Variants in NETO2 observed in about 807,000 individuals in gnomAD.
NETO2 encodes neuropilin and tolloid like 2.
A neutral mutation model predicts 62.5 loss-of-function variants in NETO2; 28 were observed. The ratio of observed to expected loss-of-function variants is 0.45; its 90% CI spans 0.33 to 0.61. The LOEUF (loss-of-function observed/expected upper bound fraction) is 0.61. Ranked by LOEUF, NETO2 falls within the 20% of genes least tolerant of loss-of-function variation. NETO2 has a pLI of 0.02. For synonymous variants in NETO2, 214 were observed against 219.1 expected (o/e 0.98, Z 0.21); for missense variants, 548 against 643.2 (o/e 0.85, Z 1.60).
intron 4 of NETO2, 33 bp downstream of exon 4, chr16:47,128,292 G>A (rs768089155): frequency 1.3e-6 from 2 of 1,596,570 alleles, no homozygotes; most frequent in South Asian, 2.3e-5. Context: ...AGAGTGAGAT[G>A]CCCAACCACT....
intron 2 of NETO2, among the ~76,000 whole-genome samples, chr16:47,130,527 A>AACC (rs1567399134): frequency 1.3e-5 from 2 of 151,854 alleles, no homozygotes; most frequent in South Asian, 2.1e-4. Context: ...AATATTTAAA[A>AACC]ACCACCACCA....
intron 6 of NETO2, among the ~76,000 whole-genome samples, chr16:47,113,574 C>A (rs188791908): frequency 4.3e-4 from 64 of 150,042 alleles, no homozygotes; most frequent in Middle Eastern, 7.1e-3. Context: ...ATGGATGTAC[C>A]ACAGTTTATT....
chr16:47,088,560 AT>A (rs1271551810), intron 7 of NETO2, among the ~76,000 whole-genome samples: 1 of 152,186 alleles, frequency 6.6e-6, no homozygotes, highest in Admixed American at 6.5e-5. Context: ...TATCTCAAAT[AT>A]TTTTTATACT....
chr16:47,100,841 C>A (rs1963526076), intron 7 of NETO2, among the ~76,000 whole-genome samples: 2 of 152,114 alleles, frequency 1.3e-5, no homozygotes, highest in Non-Finnish European at 2.9e-5. Flanking sequence ...AGCCCAGGAC[C>A]AGATGGATTC....
At chr16:47,117,225 G>GA (rs1963941273) in intron 6 of NETO2, among the ~76,000 whole-genome samples, 1 of 152,110 alleles carries the variant, frequency 6.6e-6, no homozygotes, top group African/African-American at 2.4e-5. Flanking sequence ...TTTCTAAAGA[G>GA]AAAAAATAGT....
chr16:47,119,559 G>GTT (rs557768457), intron 6 of NETO2, among the ~76,000 whole-genome samples: 1 of 144,558 alleles, frequency 6.9e-6, no homozygotes, highest in African/African-American at 2.5e-5. Context: ...TTGTATCTTC[G>GTT]TTTTTTTTTT....
intron 8 of NETO2, among the ~76,000 whole-genome samples, chr16:47,084,246 T>C (rs745781091): frequency 6.6e-6 from 1 of 152,238 alleles, no homozygotes; most frequent in Non-Finnish European, 1.5e-5. Context: ...TATATTATCA[T>C]GACCTACTGT....
chr16:47,130,159 CAT>C (rs1423831802), intron 2 of NETO2, among the ~76,000 whole-genome samples: 1 of 152,222 alleles, frequency 6.6e-6, no homozygotes, highest in Non-Finnish European at 1.5e-5. Context: ...AATGTTAGCA[CAT>C]GTCCCAGCCT....
At chr16:47,120,400 A>G (rs983940572) in intron 6 of NETO2, among the ~76,000 whole-genome samples, 4 of 152,190 alleles carry the variant, frequency 2.6e-5, no homozygotes, top group African/African-American at 7.2e-5. Flanking sequence ...TATAATAGCT[A>G]TATGTATTTA....
intron 1 of NETO2, 105 bp downstream of exon 1, chr16:47,143,474 C>A (rs1964507848): frequency 1.7e-6 from 2 of 1,169,642 alleles, no homozygotes; most frequent in Admixed American, 4.5e-5. Flanking sequence ...CAAAGAGGCG[C>A]GTCGGGTCCC....
chr16:47,095,857 A>T (rs1170744942), intron 7 of NETO2, among the ~76,000 whole-genome samples: 1 of 152,158 alleles, frequency 6.6e-6, no homozygotes, highest in African/African-American at 2.4e-5. Context: ...GAAAAATGTA[A>T]TTTTTCTCAA....
intron 7 of NETO2, among the ~76,000 whole-genome samples, chr16:47,095,590 G>C (rs1963411510): frequency 6.6e-6 from 1 of 152,116 alleles, no homozygotes; most frequent in Non-Finnish European, 1.5e-5. Flanking sequence ...TGATAAAAGG[G>C]TCAATTCACC....
At chr16:47,135,626 T>TA (rs760327888) in intron 1 of NETO2, among the ~76,000 whole-genome samples, 2 of 152,138 alleles carry the variant, frequency 1.3e-5, no homozygotes, top group Non-Finnish European at 2.9e-5. Context: ...TTCAGGCTGT[T>TA]AAACAATCCT....
At chr16:47,131,043 T>C (rs1230233313) in intron 2 of NETO2, among the ~76,000 whole-genome samples, 1 of 129,630 alleles carries the variant, frequency 7.7e-6, no homozygotes, top group Non-Finnish European at 1.7e-5. Flanking sequence ...AGAGAGAAAA[T>C]GGAGGAAAGG....
chr16:47,143,216 G>A (rs1964500435), intron 1 of NETO2, among the ~76,000 whole-genome samples: 2 of 152,100 alleles, frequency 1.3e-5, no homozygotes, highest in Non-Finnish European at 2.9e-5. Context: ...CTCCACGACA[G>A]GAATCTCACA....
chr16:47,087,438 A>C (rs540215258), intron 7 of NETO2, among the ~76,000 whole-genome samples: 20 of 152,332 alleles, frequency 1.3e-4, no homozygotes, highest in Non-Finnish European at 1.9e-4. Flanking sequence ...ACCAGGGTCC[A>C]AAAAGAGGAA....
chr16:47,120,710 C>T (rs750662629), intron 6 of NETO2, among the ~76,000 whole-genome samples: 1 of 152,190 alleles, frequency 6.6e-6, no homozygotes, highest in Admixed American at 6.5e-5. Context: ...CTATTGTCTT[C>T]AGGCTTCTAT....
intron 6 of NETO2, among the ~76,000 whole-genome samples, chr16:47,110,959 G>T (rs778628764): frequency 5.3e-5 from 8 of 152,210 alleles, no homozygotes; most frequent in Non-Finnish European, 1.2e-4. Flanking sequence ...AATTGGTAAT[G>T]AAATAGGATT....
rs1256878465 is a variant in NETO2 at position 47,142,530 on chromosome 16, T to C, written c.34+1049A>G. ...AATATTAAGATACAGTGCTGAGTTA[T>C]ACATAACACCGTTAATAATGCCTCA... On this transcript the variant is annotated intron_variant, in intron 1 of 8. Coordinates refer to ENST00000562435, the MANE Select transcript of NETO2 (RefSeq NM_018092.5). Among the ~76,000 whole-genome samples the C allele has an allele frequency of 1.3e-5, 2 of 152,212 alleles. 1 individual carries two copies.
Sources: allele counts gnomAD v4.1 joint callset (sites outside exome capture counted in the v4.1 genomes callset), GRCh38; gene constraint gnomAD v4.1.1; transcripts MANE v1.5; gene names NCBI Gene and HGNC (gene_info 2026-07-23, HGNC 2026-07-21).